ARHGAP8: variants seen among roughly 807,000 people sequenced by gnomAD.
ARHGAP8 encodes rho GTPase-activating protein 8.
ARHGAP8 carries 62 observed loss-of-function variants against 46.1 expected under a neutral mutation model. The ratio of observed to expected loss-of-function variants is 1.34; its 90% CI spans 1.10 to 1.66. The LOEUF is 1.66. Among genes scored for constraint, ARHGAP8 ranks in the 40% most tolerant of loss-of-function variants. The pLI, the probability that ARHGAP8 is intolerant of heterozygous loss-of-function variation, is 0.00. For missense variants in ARHGAP8, 923 were observed against 568.4 expected (o/e 1.62, Z -6.34); for synonymous variants, 375 against 243.1 (o/e 1.54, Z -5.05).
Position 44,795,857 on chromosome 22 carries a change from C to T in ARHGAP8, c.80-6220C>T, listed in dbSNP as rs1234186512. 2.0e-5 allele frequency among the ~76,000 whole-genome samples: 3 copies of T among 152,296 alleles called. No homozygotes were observed. In the East Asian group the frequency reaches 5.8e-4, roughly 29 times the overall value. On this transcript the variant is annotated intron_variant, in intron 2 of 11. Coordinates refer to ENST00000356099, the MANE Select transcript of ARHGAP8 (RefSeq NM_181335.3). ...CTCCCACAAGCCTCCCAGCCCCTCC[C>T]CCACCCCAGGTGGCACCGCAGCCCC...
At chr22:44,779,439 C>CA (rs1167533619) in intron 1 of ARHGAP8, among the ~76,000 whole-genome samples, 1 of 152,070 alleles carries the variant, frequency 6.6e-6, no homozygotes, top group Non-Finnish European at 1.5e-5. Flanking sequence ...CGAGACCACT[C>CA]ACGTCGGTAC....
At chr22:44,757,721 C>T (rs952134604) in intron 1 of ARHGAP8, among the ~76,000 whole-genome samples, 11 of 152,148 alleles carry the variant, frequency 7.2e-5, no homozygotes, top group Non-Finnish European at 1.6e-4. Context: ...TGACTGCAAC[C>T]TCCGCCTCCT....
At position 44,844,034 on chromosome 22, in the gene ARHGAP8, C is replaced by T. The variant is rs866689307; in HGVS notation, c.597-1235C>T. ...CATCCACACTTGGAGTGCAGTGGTG[C>T]GATCTTGGCTCCCTGCAACTTCCGC... On this transcript the variant is annotated intron_variant, in intron 7 of 11. Transcript: ENST00000356099. 2.2e-4 allele frequency among the ~76,000 whole-genome samples: 34 copies of T among 152,224 alleles called. 1 individual carries two copies. The highest frequency in any genetic ancestry group is 3.4e-3 in the Middle Eastern group (1 of 294).
Position 44,759,310 on chromosome 22 carries a change from G to A in ARHGAP8, c.-72+6683G>A, listed in dbSNP as rs116094050. ...CAAGAAGAGCATACAGGTACATGGT[G>A]CAGACTGATGAGGGCTGTGATGGAC... On this transcript the variant is annotated intron_variant, in intron 1 of 11. Coordinates refer to ENST00000356099, the MANE Select transcript of ARHGAP8 (RefSeq NM_181335.3). Among the ~76,000 whole-genome samples the A allele has an allele frequency of 1.6e-3, 246 of 152,310 alleles. 1 individual carries two copies. The highest frequency in any genetic ancestry group is 6.8e-3 in the Middle Eastern group (2 of 294).
chr22:44,859,900 T>A (rs902246019), intron 11 of ARHGAP8, 66 bp downstream of exon 11: 1 of 1,549,852 alleles, frequency 6.5e-7, no homozygotes, highest in East Asian at 2.3e-5. Context: ...TGGGCCCGCA[T>A]GGACCAGTCC....
chr22:44,812,345 T>C (rs1929395176), intron 4 of ARHGAP8, among the ~76,000 whole-genome samples: 1 of 126,832 alleles, frequency 7.9e-6, no homozygotes, highest in Non-Finnish European at 1.7e-5. Flanking sequence ...CTCAGAGCCT[T>C]TTTTTTTTTT....
chr22:44,762,537 C>G (rs1925211485), intron 1 of ARHGAP8, among the ~76,000 whole-genome samples: 2 of 137,192 alleles, frequency 1.5e-5, no homozygotes, highest in Non-Finnish European at 3.1e-5. Context: ...TGAACTCTCT[C>G]TCTCTCTTTT....
At chr22:44,787,841 T>C (rs138905331) in intron 2 of ARHGAP8, among the ~76,000 whole-genome samples, 166 of 151,604 alleles carry the variant, frequency 1.1e-3, no homozygotes, top group African/African-American at 3.8e-3. Context: ...ATAAACACTT[T>C]AGTGCACACT....
At chr22:44,857,604 T>TG (rs1359550579) in intron 10 of ARHGAP8, among the ~76,000 whole-genome samples, 4 of 152,084 alleles carry the variant, frequency 2.6e-5, no homozygotes, top group Non-Finnish European at 1.5e-5. Flanking sequence ...GGAGTGAGCC[T>TG]GGGGCAGGAA....
chr22:44,798,583 T>C (rs915852964), intron 2 of ARHGAP8, among the ~76,000 whole-genome samples: 7 of 151,288 alleles, frequency 4.6e-5, no homozygotes, highest in African/African-American at 7.3e-5. Context: ...TACACAGGGT[T>C]AGAGGTGGAC....
chr22:44,754,368 G>GTGTGTGTGTT (rs1389421860), intron 1 of ARHGAP8, among the ~76,000 whole-genome samples: 2 of 148,044 alleles, frequency 1.4e-5, no homozygotes, highest in African/African-American at 5.1e-5. Context: ...GTGTGTGTGT[G>GTGTGTGTGTT]TGTGTGACGC....
chr22:44,862,492 G>T lies in ARHGAP8; in HGVS notation c.1199G>T (p.Arg400Met), dbSNP rs778473188. ...HGLAPWEQGS[R>M]AAPLQEAVPR... Reference sequence around the variant, plus strand: ...CTGGCACCATGGGAACAGGGGAGCAGGGCAGCCCCTTTGCAGGAGGCTGTG... The same window carrying T: ...CTGGCACCATGGGAACAGGGGAGCATGGCAGCCCCTTTGCAGGAGGCTGTG... Residue 400 changes from arginine to methionine, a missense_variant, in exon 12 of 12, where the codon AGG (arginine) becomes ATG (methionine). By Grantham distance (91) the Arg-to-Met change is moderately conservative. Transcript: ENST00000356099. 1.9e-6 allele frequency: 3 copies of T among 1,613,494 alleles called. No individual in the cohort carries two copies. In the African/African-American group the frequency reaches 4.0e-5, roughly 22 times the overall value.
intron 11 of ARHGAP8, among the ~76,000 whole-genome samples, 165 bp downstream of exon 11, chr22:44,859,999 AG>A (rs1169374980): frequency 7.2e-6 from 1 of 139,576 alleles, no homozygotes; most frequent in Admixed American, 7.7e-5. Context: ...AGGCCTGGTC[AG>A]GCACCCATGC....
At position 44,822,293 on chromosome 22, in the gene ARHGAP8, T is replaced by TC; in HGVS notation, c.387-73dup. 3 of 1,258,230 alleles carry TC rather than the reference T, an allele frequency of 2.4e-6. No individual in the cohort carries two copies. In the South Asian group the frequency reaches 4.3e-5, roughly 18 times the overall value. The allele number at this position is 1,258,230 out of a possible 1,614,324, so 77.9% of individuals were successfully genotyped here. A position where few individuals can be genotyped will look rare whatever the true frequency, so the allele number is the denominator to read the frequency against. ...ATGCCTGCATTGTTCTGCCGCCAAC[T>TC]CCCCCTCCCTCCCTGCAACCCTCGG... On this transcript the variant is annotated intron_variant, in intron 5 of 11. Transcript: ENST00000356099.
At chr22:44,848,364 T>A (rs2070012238) in intron 9 of ARHGAP8, among the ~76,000 whole-genome samples, 1 of 15,916 alleles carries the variant, frequency 6.3e-5, no homozygotes, top group African/African-American at 1.4e-3. Flanking sequence ...GAAGCTGGTT[T>A]TTTTTATCTG....
At chr22:44,831,748 T>C (rs1478553336) in intron 7 of ARHGAP8, among the ~76,000 whole-genome samples, 1 of 152,168 alleles carries the variant, frequency 6.6e-6, no homozygotes, top group Non-Finnish European at 1.5e-5. Flanking sequence ...GTTGTCTTGG[T>C]ACCTTGTCAA....
At chr22:44,785,117 C>T (rs1379394043) in intron 1 of ARHGAP8, among the ~76,000 whole-genome samples, 1 of 152,236 alleles carries the variant, frequency 6.6e-6, no homozygotes, top group East Asian at 1.9e-4. Context: ...ACGCTCCCTC[C>T]TCGATGGGGT....
intron 2 of ARHGAP8, among the ~76,000 whole-genome samples, chr22:44,797,007 C>G (rs1928137679): frequency 1.3e-5 from 2 of 152,188 alleles, no homozygotes; most frequent in African/African-American, 4.8e-5. Context: ...TCTTGTGGGG[C>G]TGGGCATAGA....
intron 10 of ARHGAP8, among the ~76,000 whole-genome samples, chr22:44,856,994 G>T (rs1476097901): frequency 2.1e-5 from 3 of 141,272 alleles, no homozygotes; most frequent in Non-Finnish European, 4.5e-5. Context: ...AGGCTGGAGT[G>T]CAATGGTGCA....
Sources: allele counts gnomAD v4.1 joint callset (sites outside exome capture counted in the v4.1 genomes callset), GRCh38; gene constraint gnomAD v4.1.1; transcripts MANE v1.5; gene names NCBI Gene and HGNC (gene_info 2026-07-23, HGNC 2026-07-21).